SNRPB: variants seen among roughly 807,000 people sequenced by gnomAD.
The protein encoded by SNRPB is small nuclear ribonucleoprotein-associated proteins B and B'.
Under a neutral mutation model 26.6 loss-of-function variants are expected in SNRPB, and 5 were observed. The ratio of observed to expected loss-of-function variants is 0.19; its 90% CI spans 0.10 to 0.39. The LOEUF (loss-of-function observed/expected upper bound fraction) is 0.39. Ranked by LOEUF, SNRPB falls within the 10% of genes least tolerant of loss-of-function variation. The pLI is 1.00. For synonymous variants in SNRPB, 122 were observed against 105.8 expected (o/e 1.15, Z -0.94); for missense variants, 211 against 311.9 (o/e 0.68, Z 2.44).
chr20:2,467,384 C>A (rs2085080736), intron 2 of SNRPB: 2 of 633,966 alleles, frequency 3.2e-6, no homozygotes, highest in Admixed American at 2.4e-5. Context: ...AAACAAAAAG[C>A]CTAGCAGCCC....
chr20:2,462,109 C>T (rs2085038619), intron 6 of SNRPB, among the ~76,000 whole-genome samples, 170 bp from the exon 7 acceptor site: 1 of 152,118 alleles, frequency 6.6e-6, no homozygotes, highest in African/African-American at 2.4e-5. Context: ...TCTATAAAAA[C>T]CCATAGAGGA....
Position 2,463,081 on chromosome 20 carries a change from C to T in SNRPB, c.559+8G>A. 6.4e-7 allele frequency: 1 copy of T among 1,551,202 alleles called. No homozygotes were observed. Among genetic ancestry groups the T allele is most frequent in the Non-Finnish European group, 8.7e-7 (1 of 1,152,696 alleles). On this transcript the variant is annotated splice_region_variant and intron_variant, in intron 5 of 6. Transcript: ENST00000381342. The surrounding 1 kb of genome is among the most constrained non-coding windows in gnomAD (Gnocchi z 5.0). ...CAATTAGCACTGGTCTCCTTATGGG[C>T]TCCTCACCTGGAGGGGGTGCTCCTC...
rs941188391 is a variant in SNRPB, at chr20:2,463,039, G to A, written c.559+50C>T. On this transcript the variant is annotated intron_variant, in intron 5 of 6. Transcript: ENST00000381342. The surrounding 1 kb of genome is among the most constrained non-coding windows in gnomAD (Gnocchi z 5.0). ...AAGGTTATATCTCATCATTAATCCA[G>A]CTAAGGCATCTTCTATCAATTAGCA... The A allele has an allele frequency of 2.7e-6, 4 of 1,464,372 alleles. No homozygotes were observed. The highest frequency in any genetic ancestry group is 3.7e-6 in the Non-Finnish European group (4 of 1,086,458). The allele number at this position is 1,464,372 out of a possible 1,614,324, so 90.7% of individuals were successfully genotyped here. A position where few individuals can be genotyped will look rare whatever the true frequency, so the allele number is the denominator to read the frequency against.
intron 3 of SNRPB, among the ~76,000 whole-genome samples, chr20:2,464,406 T>C (rs910694640): frequency 6.6e-6 from 1 of 152,164 alleles, no homozygotes; most frequent in African/African-American, 2.4e-5. Flanking sequence ...ACTAAGAGAT[T>C]TGAATATGTA....
At chr20:2,461,997 C>G (rs2085037706) in intron 6 of SNRPB, 58 bp from the exon 7 acceptor site, 1 of 1,272,366 alleles carries the variant, frequency 7.9e-7, no homozygotes, top group Admixed American at 1.8e-5. Context: ...ATCCCCAACC[C>G]TGCCCCAGCC....
Position 2,461,814 on chromosome 20 carries a change from TC to T in SNRPB, c.*114del. The T allele has an allele frequency of 6.2e-7, 1 of 1,613,338 alleles. No homozygotes were observed. Among genetic ancestry groups the T allele is most frequent in the Non-Finnish European group, 8.5e-7 (1 of 1,179,738 alleles). ...GGGCCCTGTAAGGGAAACCAGACAA[TC>T]CCATGAGACTCCACGAACAACAGCA... On this transcript the variant is annotated 3_prime_UTR_variant, in exon 7 of 7. Coordinates refer to ENST00000381342, the MANE Select transcript of SNRPB (RefSeq NM_003091.4).
At position 2,461,882 on chromosome 20, in the gene SNRPB, C is replaced by G; in HGVS notation, c.*47G>C. ...CTGTGGTAACGTGGCCCTGAGGAAT[C>G]GAGCCCACGCCTCTGCGGAGCTACT... On this transcript the variant is annotated 3_prime_UTR_variant, in exon 7 of 7. Transcript: ENST00000381342. 1.2e-6 allele frequency: 2 copies of G among 1,613,884 alleles called. No individual in the cohort carries two copies. Among genetic ancestry groups the G allele is most frequent in the Non-Finnish European group, 1.7e-6 (2 of 1,179,874 alleles).
At chr20:2,468,111 A>T (rs1377600615) in intron 1 of SNRPB, among the ~76,000 whole-genome samples, 1 of 149,470 alleles carries the variant, frequency 6.7e-6, no homozygotes, top group Non-Finnish European at 1.5e-5. Flanking sequence ...GATTATAGAT[A>T]TGTGACTCAA....
Position 2,469,351 on chromosome 20 carries a change from A to G in SNRPB, c.3+1337T>C, listed in dbSNP as rs141017124. On this transcript the variant is annotated intron_variant, in intron 1 of 6. Transcript: ENST00000381342. ...CATCGAATATACATGCCAGAGCTAGAGCAATCTTTCTAAACACCACTAAGC... is the reference window on the plus strand; with the variant it reads ...CATCGAATATACATGCCAGAGCTAGGGCAATCTTTCTAAACACCACTAAGC... Among the ~76,000 whole-genome samples the G allele has an allele frequency of 6.5e-4, 99 of 152,298 alleles. 1 individual carries two copies. The highest frequency in any genetic ancestry group is 2.3e-3 in the African/African-American group (96 of 41,566).
rs117696487 is a variant in SNRPB at position 2,470,765 on chromosome 20, T to C, written c.-75A>G. On this transcript the variant is annotated 5_prime_UTR_variant, in exon 1 of 7. Coordinates refer to ENST00000381342, the MANE Select transcript of SNRPB (RefSeq NM_003091.4). ...GCCTAGCCTCTCTCCCACAGCCGAT[T>C]TCCCGCCGCCGCTACCGGAAATGCA... The C allele has an allele frequency of 4.4e-6, 7 of 1,577,364 alleles. No individual in the cohort carries two copies. In the African/African-American group the frequency reaches 5.4e-5, roughly 12 times the overall value.
In SNRPB at chr20:2,470,764, T is replaced by C. The variant is rs540617616; in HGVS notation, c.-74A>G. ...GGCCTAGCCTCTCTCCCACAGCCGA[T>C]TTCCCGCCGCCGCTACCGGAAATGC... On this transcript the variant is annotated 5_prime_UTR_variant, in exon 1 of 7. Transcript: ENST00000381342. 1.3e-6 allele frequency: 2 copies of C among 1,577,426 alleles called. No homozygotes were observed. The highest frequency in any genetic ancestry group is 1.7e-5 in the Admixed American group (1 of 59,700).
chr20:2,464,014 G>C, intron 3 of SNRPB, 115 bp from the exon 4 acceptor site: 1 of 871,464 alleles, frequency 1.1e-6, no homozygotes, highest in Non-Finnish European at 1.9e-6. Flanking sequence ...TATCGAAATA[G>C]CTTATAAATA....
In SNRPB at chr20:2,469,093, G is replaced by A. The variant is rs2085094451; in HGVS notation, c.4-1335C>T. The stretch of plus-strand genomic sequence containing the variant: ...CCAGCTCAACTAATGTTTACTGGGT[G>A]CTCACTGTGTATCTGGCACTGTGAT... On this transcript the variant is annotated intron_variant, in intron 1 of 6. Coordinates refer to ENST00000381342, the MANE Select transcript of SNRPB (RefSeq NM_003091.4). Among the ~76,000 whole-genome samples, 4 of 152,312 alleles carry A rather than the reference G, an allele frequency of 2.6e-5. No homozygotes were observed. The South Asian group carries it at 8.3e-4, about 32-fold the overall frequency.
chr20:2,465,496 G>A lies in SNRPB; in HGVS notation c.267+212C>T, dbSNP rs1344945758. 6.1e-5 allele frequency among the ~76,000 whole-genome samples: 9 copies of A among 147,794 alleles called. No homozygotes were observed. The East Asian group carries it at 1.0e-3, about 16-fold the overall frequency. ...ACTCCTGGGCTCAAGCTATCCTCCCGCCTCTTGCCTCCCTGAGAGCTGGGA... is the reference window on the plus strand; with the variant it reads ...ACTCCTGGGCTCAAGCTATCCTCCCACCTCTTGCCTCCCTGAGAGCTGGGA... On this transcript the variant is annotated intron_variant, in intron 3 of 6. Coordinates refer to ENST00000381342, the MANE Select transcript of SNRPB (RefSeq NM_003091.4).
chr20:2,462,173 T>C (rs1177856461), intron 6 of SNRPB, among the ~76,000 whole-genome samples: 1 of 152,170 alleles, frequency 6.6e-6, no homozygotes, highest in African/African-American at 2.4e-5. Flanking sequence ...GGTTATCTTA[T>C]AGGGAAAGAA....
At chr20:2,462,490 T>C (rs558577273) in intron 6 of SNRPB, 146 bp downstream of exon 6, 2 of 810,812 alleles carry the variant, frequency 2.5e-6, no homozygotes, top group East Asian at 5.2e-5. Context: ...ATTTAAGAAA[T>C]GTTCCCTCTT....
intron 6 of SNRPB, 151 bp from the exon 7 acceptor site, chr20:2,462,090 G>A: frequency 1.6e-6 from 1 of 609,928 alleles, no homozygotes; most frequent in South Asian, 2.1e-5. Context: ...GGCTGACTGG[G>A]TTCCTATGTC....
intron 1 of SNRPB, 132 bp downstream of exon 1, chr20:2,470,556 A>C: frequency 1.8e-6 from 2 of 1,096,880 alleles, no homozygotes; most frequent in Non-Finnish European, 2.7e-6. Context: ...TCCCGCCCAG[A>C]CCGAGCGGCC....
rs2085109764 is a variant in SNRPB, at chr20:2,470,782, G to A, written c.-92C>T. On this transcript the variant is annotated 5_prime_UTR_variant, in exon 1 of 7. Transcript: ENST00000381342. ...CAGCCGATTTCCCGCCGCCGCTACC[G>A]GAAATGCAGCACCACGTAAAATGCG... is the stretch of plus-strand genomic sequence containing the variant. 12 of 1,496,484 alleles carry A rather than the reference G, an allele frequency of 8.0e-6. No homozygotes were observed. The South Asian group carries it at 1.1e-4, about 14-fold the overall frequency. 92.7% of individuals were successfully genotyped at this position (1,496,484 alleles called of 1,614,324 possible). A position where few individuals can be genotyped will look rare whatever the true frequency, so the allele number is the denominator to read the frequency against.
Sources: allele counts gnomAD v4.1 joint callset (sites outside exome capture counted in the v4.1 genomes callset), GRCh38; gene constraint gnomAD v4.1.1; non-coding constraint Gnocchi (gnomAD v3.1); transcripts MANE v1.5; gene names NCBI Gene and HGNC (gene_info 2026-07-23, HGNC 2026-07-21).